NEK1: variants seen among roughly 807,000 people sequenced by gnomAD.
The protein encoded by NEK1 is NIMA related kinase 1.
Under a neutral mutation model 182.1 loss-of-function variants are expected in NEK1, and 137 were observed. That is an observed-to-expected ratio of 0.75 (90% confidence interval 0.65 to 0.87). The LOEUF (loss-of-function observed/expected upper bound fraction) is 0.87, where lower values mean the gene tolerates loss of function less well. NEK1 is among the 40% of genes least tolerant of loss of function. NEK1 has a pLI of 0.00. For missense variants in NEK1, 1,391 were observed against 1,494.4 expected (o/e 0.93, Z 1.14); for synonymous variants, 513 against 492.2 (o/e 1.04, Z -0.56).
chr4:169,568,371 T>C (rs1006433366), intron 12 of NEK1, among the ~76,000 whole-genome samples: 19 of 152,140 alleles, frequency 1.2e-4, no homozygotes, highest in African/African-American at 4.6e-4. Flanking sequence ...ATGAAATAAA[T>C]TTACTTTGAA....
chr4:169,499,198 A>G (rs977367345), intron 23 of NEK1, among the ~76,000 whole-genome samples: 2 of 152,122 alleles, frequency 1.3e-5, no homozygotes, highest in African/African-American at 4.8e-5. Context: ...CAAATTGGCT[A>G]CTGAGGCTTG....
intron 22 of NEK1, 64 bp from the exon 23 acceptor site, chr4:169,507,196 TTTTTGG>T: frequency 5.0e-6 from 5 of 993,970 alleles, no homozygotes; most frequent in Admixed American, 3.0e-5. Context: ...TTTTTTTTTT[TTTTTGG>T]GCCAGGTCTA....
intron 26 of NEK1, among the ~76,000 whole-genome samples, chr4:169,473,704 GC>G (rs1330549253): frequency 6.6e-6 from 1 of 152,034 alleles, no homozygotes; most frequent in African/African-American, 2.4e-5. Context: ...GGGCAACATA[GC>G]AAAACACCAT....
rs1231905351 is a variant in NEK1 at position 169,507,125 on chromosome 4, G to A, written c.1919C>T (p.Ala640Val). The A allele has an allele frequency of 6.3e-7, 1 of 1,586,362 alleles. No homozygotes were observed. The highest frequency in any genetic ancestry group is 1.7e-5 in the Admixed American group (1 of 58,434). The change falls in exon 23 of 36, where the codon GCA becomes GTA. Residue 640 changes from alanine (A) to valine (V), a missense_variant. This residue lies in a region of NEK1 where 1,216 missense variants were observed against 1,277.6 expected (regional missense o/e 0.95). Transcript: ENST00000507142. The part of the protein sequence containing the change: ...RKKIESLKAH[A>V]NARAAVLKEQ... Reference sequence around the variant, plus strand: ...TTTTAGTACAGCAGCACGTGCATTTGCATGGGCCTAAAAATAAAAACAATT... The same window carrying A: ...TTTTAGTACAGCAGCACGTGCATTTACATGGGCCTAAAAATAAAAACAATT...
chr4:169,559,053 AAATT>A (rs1339227587), intron 16 of NEK1, among the ~76,000 whole-genome samples: 1 of 152,194 alleles, frequency 6.6e-6, no homozygotes, highest in East Asian at 1.9e-4. Flanking sequence ...CATGGAAAAT[AAATT>A]GTTTTATTAA....
At chr4:169,402,217 G>C (rs1411832013) in intron 32 of NEK1, among the ~76,000 whole-genome samples, 3 of 152,256 alleles carry the variant, frequency 2.0e-5, no homozygotes, top group East Asian at 3.9e-4. Context: ...CCAGACTATA[G>C]AAGTTTTTCT....
At chr4:169,580,352 G>A (rs1766414473) in intron 11 of NEK1, among the ~76,000 whole-genome samples, 1 of 151,796 alleles carries the variant, frequency 6.6e-6, no homozygotes, top group South Asian at 2.1e-4. Flanking sequence ...CAAAAAATTA[G>A]CTGGGCTTGG....
At chr4:169,400,831 T>A (rs745482939) in intron 33 of NEK1, among the ~76,000 whole-genome samples, 180 bp from the exon 34 acceptor site, 18 of 151,972 alleles carry the variant, frequency 1.2e-4, no homozygotes, top group Middle Eastern at 3.2e-3. Context: ...AATGTATAAA[T>A]CTGTCTAAAC....
chr4:169,591,830 C>T (rs1481687163), intron 5 of NEK1, among the ~76,000 whole-genome samples: 2 of 152,146 alleles, frequency 1.3e-5, no homozygotes, highest in South Asian at 2.1e-4. Context: ...GAGCAAAATA[C>T]ATATAATCAA....
intron 12 of NEK1, among the ~76,000 whole-genome samples, chr4:169,565,182 G>A (rs1763485586): frequency 6.6e-6 from 1 of 152,064 alleles, no homozygotes; most frequent in Non-Finnish European, 1.5e-5. Context: ...AATATTTAAA[G>A]AACATTAGCT....
chr4:169,539,040 C>A (rs973420556), intron 18 of NEK1, among the ~76,000 whole-genome samples: 1 of 152,090 alleles, frequency 6.6e-6, no homozygotes, highest in African/African-American at 2.4e-5. Flanking sequence ...AAGATTCTTA[C>A]GAAATTTCCA....
At chr4:169,454,908 G>A (rs1427881052) in intron 27 of NEK1, among the ~76,000 whole-genome samples, 2 of 152,172 alleles carry the variant, frequency 1.3e-5, no homozygotes, top group Non-Finnish European at 2.9e-5. Context: ...ATTCACAACA[G>A]CAAAGACTTG....
intron 31 of NEK1, among the ~76,000 whole-genome samples, chr4:169,407,004 G>GA (rs1732759913): frequency 6.6e-6 from 1 of 151,908 alleles, no homozygotes; most frequent in African/African-American, 2.4e-5. Flanking sequence ...TTTTTCACAG[G>GA]AAACTAAACT....
Position 169,588,735 on chromosome 4 carries a change from A to G in NEK1, c.465T>C (p.Ser155=), listed in dbSNP as rs1234437874. 1.8e-5 allele frequency: 28 copies of G among 1,532,406 alleles called. No individual in the cohort carries two copies. The highest frequency in any genetic ancestry group is 2.4e-5 in the Non-Finnish European group (27 of 1,129,508). 94.9% of individuals were successfully genotyped at this position (1,532,406 alleles called of 1,614,324 possible). Reference sequence around the variant, plus strand: ...TGCAAGTTCGAGCCAGCTCTACAGTACTAGAAGAAAAATAAAATTATTGGA... The same window carrying G: ...TGCAAGTTCGAGCCAGCTCTACAGTGCTAGAAGAAAAATAAAATTATTGGA... ...GDFGIARVLN[S]TVELARTCIG... is the part of the protein sequence containing the mutation. The change falls in exon 8 of 36, where the codon AGT becomes AGC. Residue 155 remains serine (S), a splice_region_variant and synonymous_variant. Transcript: ENST00000507142.
chr4:169,525,900 T>C lies in NEK1; in HGVS notation c.1665+11909A>G, dbSNP rs181353892. Among the ~76,000 whole-genome samples the C allele has an allele frequency of 1.6e-4, 24 of 152,330 alleles. No homozygotes were observed. The East Asian group carries it at 4.6e-3, about 29-fold the overall frequency. On this transcript the variant is annotated intron_variant, in intron 19 of 35. Coordinates refer to ENST00000507142, the MANE Select transcript of NEK1 (RefSeq NM_001199397.3). Reference sequence around the variant, plus strand: ...TGGGTTTGCACCCTGTTTCTGGGCATTACTACGTGATCTTGGGCAAAGTAC... The same window carrying C: ...TGGGTTTGCACCCTGTTTCTGGGCACTACTACGTGATCTTGGGCAAAGTAC...
At chr4:169,607,563 C>T (rs1025645332) in intron 2 of NEK1, among the ~76,000 whole-genome samples, 8 of 152,090 alleles carry the variant, frequency 5.3e-5, no homozygotes, top group African/African-American at 1.7e-4. Flanking sequence ...CCCAGGTTCA[C>T]GCCATTCTTC....
Position 169,477,118 on chromosome 4 carries a change from A to G in NEK1, c.2434+6T>C. 1 of 1,565,902 alleles carries G rather than the reference A, an allele frequency of 6.4e-7. No individual in the cohort carries two copies. Among genetic ancestry groups the G allele is most frequent in the Admixed American group, 1.8e-5 (1 of 55,788 alleles). On this transcript the variant is annotated splice_donor_region_variant and intron_variant, in intron 26 of 35. Transcript: ENST00000507142. ...AAATAGGATATTAATATACTACTAT[A>G]CATACTTTCAGTTGTAGAGAAGGAT...
At chr4:169,543,258 C>A (rs927291605) in intron 18 of NEK1, among the ~76,000 whole-genome samples, 1 of 151,910 alleles carries the variant, frequency 6.6e-6, no homozygotes, top group Non-Finnish European at 1.5e-5. Flanking sequence ...CTTTCCCCAC[C>A]ACTTGTTTAT....
At chr4:169,462,650 T>A (rs908226795) in intron 27 of NEK1, among the ~76,000 whole-genome samples, 1 of 151,978 alleles carries the variant, frequency 6.6e-6, no homozygotes, top group Non-Finnish European at 1.5e-5. Context: ...AACACAAAAG[T>A]GCAACACACA....
Sources: allele counts gnomAD v4.1 joint callset (sites outside exome capture counted in the v4.1 genomes callset), GRCh38; gene constraint gnomAD v4.1.1; regional missense constraint gnomAD v4.1.1; transcripts MANE v1.5; gene names NCBI Gene and HGNC (gene_info 2026-07-23, HGNC 2026-07-21).